DPP10: variants seen among roughly 807,000 people sequenced by gnomAD.
The protein encoded by DPP10 is inactive dipeptidyl peptidase 10.
In DPP10, 33 loss-of-function variants were observed where a neutral mutation model predicts 120.9. The observed-to-expected ratio is 0.27, with a 90% CI of 0.21 to 0.37. The LOEUF (loss-of-function observed/expected upper bound fraction) is 0.37, where lower values mean the gene tolerates loss of function less well. DPP10 is among the 10% of genes least tolerant of loss of function. The pLI, the probability that DPP10 is intolerant of heterozygous loss-of-function variation, is 1.00. For synonymous variants in DPP10, 337 were observed against 326.1 expected, an observed-to-expected ratio of 1.03 and a Z score of -0.36; for missense variants, 816 against 942.8, an observed-to-expected ratio of 0.87 and a Z score of 1.76.
chr2:115,597,816 G>C (rs1485159070), intron 5 of DPP10, among the ~76,000 whole-genome samples: 1 of 151,960 alleles, frequency 6.6e-6, no homozygotes, highest in Non-Finnish European at 1.5e-5. Flanking sequence ...AATCAAAAGA[G>C]ACTAAGTGAT....
chr2:114,620,266 TG>T (rs1386422819), intron 1 of DPP10, among the ~76,000 whole-genome samples: 1 of 151,892 alleles, frequency 6.6e-6, no homozygotes, highest in Non-Finnish European at 1.5e-5. Context: ...GAAACACAAG[TG>T]GGTTTTTGGC....
chr2:115,651,602 G>A (rs550993809), intron 5 of DPP10, among the ~76,000 whole-genome samples: 4 of 152,124 alleles, frequency 2.6e-5, no homozygotes, highest in African/African-American at 4.8e-5. Flanking sequence ...AAAAGAATGC[G>A]CAGGAGGAGG....
At chr2:115,618,580 G>A (rs1271766558) in intron 5 of DPP10, among the ~76,000 whole-genome samples, 3 of 152,208 alleles carry the variant, frequency 2.0e-5, no homozygotes, top group Non-Finnish European at 2.9e-5. Context: ...ACTAGGTACT[G>A]TAGGCTTTGG....
At chr2:115,385,311 G>A (rs952522259) in intron 3 of DPP10, among the ~76,000 whole-genome samples, 2 of 151,504 alleles carry the variant, frequency 1.3e-5, no homozygotes, top group African/African-American at 4.8e-5. Flanking sequence ...GTCGATCACC[G>A]TTAGACCAAT....
chr2:115,101,925 A>G (rs1449216632), intron 1 of DPP10, among the ~76,000 whole-genome samples: 5 of 152,356 alleles, frequency 3.3e-5, no homozygotes, highest in Non-Finnish European at 7.3e-5. Flanking sequence ...AATTCTGCAA[A>G]TTAGTTACAT....
chr2:114,919,972 C>A (rs1189018182), intron 1 of DPP10, among the ~76,000 whole-genome samples: 1 of 152,150 alleles, frequency 6.6e-6, no homozygotes, highest in Non-Finnish European at 1.5e-5. Context: ...ACAGAGGCTT[C>A]TTTCATAGAA....
chr2:114,679,427 A>G (rs1272339891), intron 1 of DPP10, among the ~76,000 whole-genome samples: 1 of 152,042 alleles, frequency 6.6e-6, no homozygotes, highest in Non-Finnish European at 1.5e-5. Context: ...TGTTTATATT[A>G]GAATATTTAT....
chr2:115,627,468 G>A (rs2085458184), intron 5 of DPP10, among the ~76,000 whole-genome samples: 1 of 152,120 alleles, frequency 6.6e-6, no homozygotes, highest in South Asian at 2.1e-4. Flanking sequence ...AGAGGGAAAG[G>A]CCCCAGTACT....
rs1293960832 is a variant in DPP10 at position 115,249,813 on chromosome 2, T to C, written c.61-59426T>C. Among the ~76,000 whole-genome samples the C allele has an allele frequency of 3.9e-5, 6 of 152,252 alleles. No individual in the cohort carries two copies. The Middle Eastern group carries it at 0.014, about 345-fold the overall frequency. On this transcript the variant is annotated intron_variant, in intron 1 of 25. Coordinates refer to ENST00000410059, the MANE Select transcript of DPP10 (RefSeq NM_020868.6). ...TACTCCAGGAAAGGAAGAGTAAATC[T>C]ATGGGGTCAGGAAGGCTGTTGTGGT...
intron 1 of DPP10, among the ~76,000 whole-genome samples, chr2:114,758,434 C>G (rs148561127): frequency 1.6e-3 from 245 of 152,268 alleles, no homozygotes; most frequent in African/African-American, 5.8e-3. Context: ...TTTCCCTCGT[C>G]TACTTAAAAT....
At chr2:115,647,591 T>G (rs2149367225) in intron 5 of DPP10, among the ~76,000 whole-genome samples, 1 of 152,258 alleles carries the variant, frequency 6.6e-6, no homozygotes, top group Admixed American at 6.6e-5. Context: ...AGGGTACATC[T>G]TAGTCTGTTT....
intron 7 of DPP10, among the ~76,000 whole-genome samples, chr2:115,693,186 GA>G (rs1416882258): frequency 1.3e-5 from 2 of 152,138 alleles, no homozygotes; most frequent in Admixed American, 6.6e-5. Context: ...TACCATCACA[GA>G]ACTCTCTGTA....
intron 1 of DPP10, among the ~76,000 whole-genome samples, chr2:114,904,691 A>AT (rs1323506498): frequency 6.6e-6 from 1 of 152,216 alleles, no homozygotes; most frequent in African/African-American, 2.4e-5. Flanking sequence ...AACTGAAGGG[A>AT]ACAAAGATAA....
chr2:115,670,525 T>C (rs2089791501), intron 5 of DPP10, among the ~76,000 whole-genome samples: 1 of 152,156 alleles, frequency 6.6e-6, no homozygotes, highest in Non-Finnish European at 1.5e-5. Context: ...CATTGTCTTT[T>C]ATTGTAGGTT....
At chr2:114,811,732 C>T (rs1454930214) in intron 1 of DPP10, among the ~76,000 whole-genome samples, 1 of 152,308 alleles carries the variant, frequency 6.6e-6, no homozygotes, top group African/African-American at 2.4e-5. Context: ...CTCCTGCTCA[C>T]CTTCACGTTC....
intron 5 of DPP10, among the ~76,000 whole-genome samples, chr2:115,555,729 A>ATG (rs1457879586): frequency 4.6e-5 from 7 of 152,074 alleles, no homozygotes; most frequent in Non-Finnish European, 8.8e-5. Flanking sequence ...TCATATGATT[A>ATG]TGTTCCTTTT....
At chr2:114,870,277 G>T (rs1690579738) in intron 1 of DPP10, among the ~76,000 whole-genome samples, 1 of 152,058 alleles carries the variant, frequency 6.6e-6, no homozygotes, top group South Asian at 2.1e-4. Context: ...TAATAATAAT[G>T]ACCCTTTCAT....
intron 5 of DPP10, among the ~76,000 whole-genome samples, chr2:115,549,792 A>C (rs1348145303): frequency 1.3e-5 from 2 of 152,162 alleles, no homozygotes; most frequent in East Asian, 1.9e-4. Context: ...CTACAATGAT[A>C]TGCAAGCTCT....
At chr2:115,167,997 G>A (rs1438606046) in intron 1 of DPP10, among the ~76,000 whole-genome samples, 1 of 152,058 alleles carries the variant, frequency 6.6e-6, no homozygotes, top group Non-Finnish European at 1.5e-5. Flanking sequence ...GATATTTAAA[G>A]GAAAGACAGA....
Sources: allele counts gnomAD v4.1 joint callset (sites outside exome capture counted in the v4.1 genomes callset), GRCh38; gene constraint gnomAD v4.1.1; transcripts MANE v1.5; gene names NCBI Gene and HGNC (gene_info 2026-07-23, HGNC 2026-07-21).